Variants in RBBP8 observed in about 807,000 individuals in gnomAD.
RBBP8 encodes the protein RB binding protein 8, endonuclease, also known as DNA endonuclease RBBP8.
In RBBP8, 88 loss-of-function variants were observed where a neutral mutation model predicts 108.3. The observed-to-expected ratio is 0.81, with a 90% confidence interval of 0.68 to 0.97. The LOEUF (loss-of-function observed/expected upper bound fraction) is 0.97, where lower values mean the gene tolerates loss of function less well. RBBP8 is among the 50% of genes least tolerant of loss of function. The pLI is 0.00. For missense variants in RBBP8, 1,023 were observed against 1,049.0 expected, an observed-to-expected ratio of 0.98 and a Z score of 0.34; for synonymous variants, 332 against 348.2, an observed-to-expected ratio of 0.95 and a Z score of 0.52.
chr18:22,937,304 T>C (rs1255418394), intron 2 of RBBP8, among the ~76,000 whole-genome samples: 2 of 151,386 alleles, frequency 1.3e-5, no homozygotes, highest in African/African-American at 4.8e-5. Flanking sequence ...AATGAGAACA[T>C]GCAGTATTTC....
Position 23,012,208 on chromosome 18 carries a change from CAAAA to C in RBBP8, c.2358-4600_2358-4597del, listed in dbSNP as rs56096515. Among the ~76,000 whole-genome samples the C allele has an allele frequency of 3.6e-5, 4 of 109,616 alleles. No homozygotes were observed. The Admixed American group carries it at 4.7e-4, about 13-fold the overall frequency. The allele number at this position is 109,616 out of a possible 152,430, so 71.9% of individuals were successfully genotyped here. A position where few individuals can be genotyped will look rare whatever the true frequency, so the allele number is the denominator to read the frequency against. ...GGGAGACAAAGTGAGATGCTGTCTC[CAAAA>C]AAAAAAAAAAAAAAAAAAACCAACT... On this transcript the variant is annotated intron_variant, in intron 16 of 18. Coordinates refer to ENST00000327155, the MANE Select transcript of RBBP8 (RefSeq NM_002894.3).
intron 8 of RBBP8, among the ~76,000 whole-genome samples, chr18:22,985,572 C>T (rs1287344944): frequency 1.3e-5 from 2 of 151,572 alleles, no homozygotes; most frequent in Admixed American, 1.3e-4. Flanking sequence ...GTGGCTGGAG[C>T]AGAGTGAGTA....
In RBBP8 at chr18:23,002,371, C is replaced by T. The variant is rs59228294; in HGVS notation, c.2287+642C>T. Among the ~76,000 whole-genome samples, 233 of 152,210 alleles carry T rather than the reference C, an allele frequency of 1.5e-3. 1 individual carries two copies. The highest frequency in any genetic ancestry group is 5.3e-3 in the African/African-American group (222 of 41,524). On this transcript the variant is annotated intron_variant, in intron 15 of 18. Transcript: ENST00000327155. ...CTGCATCAGTGAACCGCTGACTGTACTTCAGCCTGGGCGACAGAGTGAGAC... is the reference window on the plus strand; with the variant it reads ...CTGCATCAGTGAACCGCTGACTGTATTTCAGCCTGGGCGACAGAGTGAGAC...
At chr18:22,986,038 A>T (rs1290936621) in intron 8 of RBBP8, among the ~76,000 whole-genome samples, 3 of 141,732 alleles carry the variant, frequency 2.1e-5, no homozygotes, top group African/African-American at 8.0e-5. Context: ...CTGCAGATCT[A>T]CTGTATATCT....
At chr18:22,928,026 T>C (rs1334378446) in intron 3 of RBBP8, among the ~76,000 whole-genome samples, 3 of 151,774 alleles carry the variant, frequency 2.0e-5, no homozygotes, top group Non-Finnish European at 4.4e-5. Context: ...CTGGCCAACA[T>C]GGCAAAACTC....
chr18:22,999,526 C>G (rs2045912067), intron 14 of RBBP8, among the ~76,000 whole-genome samples: 1 of 151,846 alleles, frequency 6.6e-6, no homozygotes, highest in Non-Finnish European at 1.5e-5. Context: ...CATAGTGTCA[C>G]AAAGATCTGC....
chr18:22,993,514 C>G lies in RBBP8; in HGVS notation c.1687C>G (p.Pro563Ala), dbSNP rs374549949. The change falls in exon 11 of 19, where the codon CCC (proline) becomes GCC (alanine). Residue 563 changes from proline to alanine, a missense_variant. Coordinates refer to ENST00000327155, the MANE Select transcript of RBBP8 (RefSeq NM_002894.3). ...TTCACAGGAATGCATCATCCTTCAG[C>G]CCTTGAATAAATGCTCTCCAGACAA... is the stretch of plus-strand genomic sequence containing the variant. ...PCSQECIILQ[P>A]LNKCSPDNKP... 26 of 1,613,492 alleles carry G rather than the reference C, an allele frequency of 1.6e-5. No individual in the cohort carries two copies. Among genetic ancestry groups the G allele is most frequent in the Non-Finnish European group, 2.2e-5 (26 of 1,179,858 alleles).
chr18:22,987,695 C>T (rs1299018089), intron 8 of RBBP8, among the ~76,000 whole-genome samples: 1 of 152,192 alleles, frequency 6.6e-6, no homozygotes, highest in East Asian at 1.9e-4. Flanking sequence ...CAAGCAGGCT[C>T]CACCTGCTTC....
chr18:22,920,356 A>C (rs1909542850), intron 3 of RBBP8, among the ~76,000 whole-genome samples: 1 of 152,148 alleles, frequency 6.6e-6, no homozygotes, highest in Admixed American at 6.6e-5. Context: ...TAACAACTAA[A>C]CTGCCTATAA....
intron 3 of RBBP8, among the ~76,000 whole-genome samples, chr18:22,927,334 A>T (rs1413197262): frequency 6.6e-6 from 1 of 152,210 alleles, no homozygotes; most frequent in Non-Finnish European, 1.5e-5. Flanking sequence ...GGGGGATGGG[A>T]TGATGCAGGG....
intron 18 of RBBP8, 122 bp downstream of exon 18, chr18:23,022,392 G>C: frequency 4.3e-6 from 4 of 931,852 alleles, no homozygotes; most frequent in Non-Finnish European, 6.3e-6. Context: ...CCTGAGGTCA[G>C]GAGTTCAAGA....
intron 4 of RBBP8, among the ~76,000 whole-genome samples, chr18:22,955,497 T>G (rs1175953250): frequency 6.6e-6 from 1 of 152,158 alleles, no homozygotes; most frequent in Non-Finnish European, 1.5e-5. Context: ...GATAGATCCA[T>G]TTTGCATGTG....
intron 16 of RBBP8, among the ~76,000 whole-genome samples, chr18:23,016,464 A>T (rs1437457545): frequency 6.6e-6 from 1 of 152,082 alleles, no homozygotes; most frequent in East Asian, 1.9e-4. Context: ...GAGTCGCTTG[A>T]ACCTGGGAGG....
intron 15 of RBBP8, among the ~76,000 whole-genome samples, chr18:23,002,272 A>T (rs1481990507): frequency 6.6e-6 from 1 of 152,120 alleles, no homozygotes; most frequent in Non-Finnish European, 1.5e-5. Context: ...GCTCGGCATG[A>T]TGGCACATAC....
In RBBP8 at chr18:23,024,040, A is replaced by ATTT. The variant is rs35157427; in HGVS notation, c.2596+1790_2596+1792dup. ...AGGCACATGCCACCATACCCAGCCTATTTTTTTTTTTTTTTTTTTTTTCTA... is the reference window on the plus strand; with the variant it reads ...AGGCACATGCCACCATACCCAGCCTATTTTTTTTTTTTTTTTTTTTTTTTTCTA... On this transcript the variant is annotated intron_variant, in intron 18 of 18. Coordinates refer to ENST00000327155, the MANE Select transcript of RBBP8 (RefSeq NM_002894.3). Among the ~76,000 whole-genome samples, 136 of 102,628 alleles carry ATTT rather than the reference A, an allele frequency of 1.3e-3. 2 individuals carry two copies. Among genetic ancestry groups the ATTT allele is most frequent in the Non-Finnish European group, 1.8e-3 (97 of 53,632 alleles). The allele number at this position is 102,628 out of a possible 152,430, so 67.3% of individuals were successfully genotyped here.
chr18:22,928,376 T>C (rs1301283808), upstream of RBBP8, among the ~76,000 whole-genome samples: 1 of 152,066 alleles, frequency 6.6e-6, no homozygotes, highest in African/African-American at 2.4e-5. Flanking sequence ...TGAAAGGGTA[T>C]AGAAAGGAAG....
At chr18:22,931,386 G>C (rs1910023903), upstream of RBBP8, among the ~76,000 whole-genome samples, 1 of 152,132 alleles carries the variant, frequency 6.6e-6, no homozygotes, top group Non-Finnish European at 1.5e-5. Context: ...CAGAGTAACT[G>C]GAAGCCACTG....
chr18:22,993,570 T>C lies in RBBP8; in HGVS notation c.1743T>C (p.Asn581=), dbSNP rs1337176632. 1 of 1,613,612 alleles carries C rather than the reference T, an allele frequency of 6.2e-7. No individual in the cohort carries two copies. Among genetic ancestry groups the C allele is most frequent in the Non-Finnish European group, 8.5e-7 (1 of 1,179,956 alleles). Residue 581 remains asparagine (N), a synonymous_variant, in exon 11 of 19, where the codon AAT becomes AAC. Coordinates refer to ENST00000327155, the MANE Select transcript of RBBP8 (RefSeq NM_002894.3). Reference sequence around the variant, plus strand: ...CATCATTACAAATAAAAGAAGAAAATGCTGTCTTTAAAATTCCTCTACGTC... The same window carrying C: ...CATCATTACAAATAAAAGAAGAAAACGCTGTCTTTAAAATTCCTCTACGTC... The part of the protein sequence containing the change: ...NKPSLQIKEE[N]AVFKIPLRPR...
intron 2 of RBBP8, among the ~76,000 whole-genome samples, chr18:22,942,533 G>A (rs1911186364): frequency 6.6e-6 from 1 of 152,004 alleles, no homozygotes; most frequent in Non-Finnish European, 1.5e-5. Flanking sequence ...AGACATTTAT[G>A]ACCGAGTTTT....
Sources: allele counts gnomAD v4.1 joint callset (sites outside exome capture counted in the v4.1 genomes callset), GRCh38; gene constraint gnomAD v4.1.1; transcripts MANE v1.5; gene names NCBI Gene and HGNC (gene_info 2026-07-23, HGNC 2026-07-21).